The following UNC79 variants were observed in gnomAD, a reference collection of about 807,000 sequenced individuals.
UNC79 encodes the protein protein unc-79 homolog.
In UNC79, 37 loss-of-function variants were observed where a neutral mutation model predicts 283.1. That is an observed-to-expected ratio of 0.13 (90% confidence interval 0.10 to 0.17). The LOEUF (loss-of-function observed/expected upper bound fraction) is 0.17, where lower values mean the gene tolerates loss of function less well. Ranked by LOEUF, UNC79 falls within the 10% of genes least tolerant of loss-of-function variation. The pLI is 1.00. For missense variants in UNC79, 2,272 were observed against 3,211.1 expected, an observed-to-expected ratio of 0.71 and a Z score of 7.07; for synonymous variants, 1,107 against 1,200.2, an observed-to-expected ratio of 0.92 and a Z score of 1.61.
chr14:93,653,618 T>C (rs1425489012), intron 35 of UNC79, 124 bp from the exon 39 acceptor site: 5 of 831,584 alleles, frequency 6.0e-6, no homozygotes, highest in Non-Finnish European at 7.8e-6. Flanking sequence ...ATTTCACTGA[T>C]GAACATGACA....
intron 39 of UNC79, among the ~76,000 whole-genome samples, chr14:93,659,825 G>A (rs1240049755): frequency 6.6e-6 from 1 of 152,112 alleles, no homozygotes; most frequent in African/African-American, 2.4e-5. Context: ...ATACTTCCTT[G>A]CCTTTGCTTA....
chr14:93,627,869 C>A (rs1363624276), intron 30 of UNC79, among the ~76,000 whole-genome samples: 1 of 152,220 alleles, frequency 6.6e-6, no homozygotes, highest in African/African-American at 2.4e-5. Context: ...ATCTGGCAAA[C>A]TTAATCTACC....
intron 12 of UNC79, among the ~76,000 whole-genome samples, chr14:93,539,835 C>A (rs1216603869): frequency 6.6e-6 from 1 of 152,188 alleles, no homozygotes; most frequent in Non-Finnish European, 1.5e-5. Context: ...CTCTTCTCCA[C>A]GTCGTTGCAT....
chr14:93,425,696 CACATAA>C (rs1412592552), upstream of UNC79, among the ~76,000 whole-genome samples: 1 of 152,112 alleles, frequency 6.6e-6, no homozygotes, highest in Non-Finnish European at 1.5e-5. Flanking sequence ...CCCCACTTCA[CACATAA>C]ACATAAACAT....
chr14:93,599,012 G>A (rs1446064298), intron 24 of UNC79, among the ~76,000 whole-genome samples: 1 of 152,140 alleles, frequency 6.6e-6, no homozygotes, highest in African/African-American at 2.4e-5. Flanking sequence ...CTTATCAAAG[G>A]ACACAAAGTG....
chr14:93,527,670 A>T (rs1453027079), intron 8 of UNC79, among the ~76,000 whole-genome samples: 1 of 152,154 alleles, frequency 6.6e-6, no homozygotes, highest in Non-Finnish European at 1.5e-5. Context: ...GTGTAGTTCC[A>T]GAAAAATTTG....
intron 40 of UNC79, among the ~76,000 whole-genome samples, chr14:93,672,380 A>G (rs2072954427): frequency 6.6e-6 from 1 of 152,188 alleles, no homozygotes; most frequent in African/African-American, 2.4e-5. Flanking sequence ...ATGGAATTGG[A>G]GTTTGTTATG....
intron 37 of UNC79, 39 bp from the exon 41 acceptor site, chr14:93,655,195 T>C (rs2070788040): frequency 1.2e-6 from 2 of 1,604,910 alleles, no homozygotes; most frequent in Non-Finnish European, 1.7e-6. Flanking sequence ...ATTCCCGTGC[T>C]GTTTCAGCAG....
In UNC79 at chr14:93,404,486, T is replaced by TAAAAAAAAAAA. The variant is rs34406486; in HGVS notation, c.-350-63177_-350-63176insAAAAAAAAAAA. On this transcript the variant is annotated intron_variant, in intron 1 of 49. Transcript: ENST00000256339. ...GGCTGAATGACAGAGTGAGACCTTCTAAAAAAAATATATATATATATATAT... is the reference window on the plus strand; with the variant it reads ...GGCTGAATGACAGAGTGAGACCTTCTAAAAAAAAAAAAAAAAAAATATATATATATATATAT... Among the ~76,000 whole-genome samples the TAAAAAAAAAAA allele has an allele frequency of 1.9e-3, 99 of 52,992 alleles. 6 individuals are homozygous for TAAAAAAAAAAA. Among genetic ancestry groups the TAAAAAAAAAAA allele is most frequent in the African/African-American group, 4.9e-3 (61 of 12,554 alleles). 34.8% of individuals were successfully genotyped at this position (52,992 alleles called of 152,430 possible).
intron 1 of UNC79, among the ~76,000 whole-genome samples, chr14:93,376,661 T>C (rs1317838195): frequency 1.3e-5 from 2 of 152,108 alleles, no homozygotes; most frequent in Non-Finnish European, 2.9e-5. Context: ...TTAGCTATTA[T>C]AGAAAGCAGA....
At chr14:93,593,551 G>A (rs1224152412) in intron 22 of UNC79, 129 bp from the exon 23 acceptor site, 1 of 1,036,322 alleles carries the variant, frequency 9.6e-7, no homozygotes, top group African/African-American at 1.6e-5. Context: ...TCGTGGATGA[G>A]TGTCATTTCA....
At chr14:93,457,577 C>T (rs1044075580) in intron 1 of UNC79, among the ~76,000 whole-genome samples, 1 of 152,124 alleles carries the variant, frequency 6.6e-6, no homozygotes, top group African/African-American at 2.4e-5. Flanking sequence ...AAGTGTGGGA[C>T]ACAAGGAAAA....
intron 1 of UNC79, among the ~76,000 whole-genome samples, chr14:93,352,806 T>G (rs986043895): frequency 3.9e-5 from 6 of 152,232 alleles, no homozygotes; most frequent in Admixed American, 6.5e-5. Flanking sequence ...GGTTACCTCC[T>G]GATAAACCCA....
At chr14:93,530,091 T>C (rs756358687) in intron 10 of UNC79, among the ~76,000 whole-genome samples, 1 of 152,100 alleles carries the variant, frequency 6.6e-6, no homozygotes, top group South Asian at 2.1e-4. Flanking sequence ...ACTTCAGATG[T>C]AGAAAATAAA....
At chr14:93,706,873 C>T (rs1204434674) in exon 49 of UNC79, 6 of 1,614,062 alleles carry the variant, frequency 3.7e-6, no homozygotes, top group Admixed American at 3.3e-5. Context: ...ATCCAGTCCT[C>T]GGAAGCAGCC....
exon 29 of UNC79, chr14:93,618,337 A>G: frequency 6.2e-7 from 1 of 1,612,280 alleles, no homozygotes; most frequent in East Asian, 2.2e-5. Context: ...ATAAGCAGAT[A>G]CAGCGAAAAA....
At chr14:93,663,214 T>C (rs567617476) in intron 40 of UNC79, among the ~76,000 whole-genome samples, 1 of 152,302 alleles carries the variant, frequency 6.6e-6, no homozygotes, top group East Asian at 1.9e-4. Context: ...ATCTCATCTT[T>C]TGTCATCTTG....
At chr14:93,341,371 C>T (rs575874322) in intron 1 of UNC79, among the ~76,000 whole-genome samples, 37 of 152,030 alleles carry the variant, frequency 2.4e-4, no homozygotes, top group African/African-American at 7.7e-4. Context: ...ACAGGAGAAT[C>T]GCTTGAACTT....
At position 93,698,685 on chromosome 14, in the gene UNC79, C is replaced by T. The variant is rs568400776; in HGVS notation, c.7548+4273C>T. ...ATTTTTAGTAGAGACGGGGTTTCAC[C>T]GTGTTGGCCAGGCTGGTCTTGAACT... On this transcript the variant is annotated intron_variant, in intron 47 of 48. Coordinates refer to ENST00000555664, the Ensembl canonical transcript of UNC79. Among the ~76,000 whole-genome samples the T allele has an allele frequency of 1.9e-4, 29 of 151,880 alleles. No homozygotes were observed. In the South Asian group the frequency reaches 3.5e-3, roughly 19 times the overall value.
Sources: gnomAD v4.1 joint callset for allele counts (sites outside exome capture counted in the v4.1 genomes callset) on GRCh38, gnomAD v4.1.1 for gene constraint, MANE v1.5 for transcripts, NCBI Gene and HGNC (gene_info 2026-07-23, HGNC 2026-07-21) for gene names.